The following ATP11B variants were observed in gnomAD, a reference collection of about 807,000 sequenced individuals.
ATP11B encodes ATPase phospholipid transporting 11B (putative).
Under a neutral mutation model 157.8 loss-of-function variants are expected in ATP11B, and 81 were observed. The ratio of observed to expected loss-of-function variants is 0.51; its 90% CI spans 0.43 to 0.62. ATP11B has a LOEUF of 0.62. Among genes scored for constraint, ATP11B ranks in the 20% least tolerant of loss-of-function variants. The probability of loss-of-function intolerance (pLI) is 0.00; values close to 1 mark genes in which losing one functional copy is unlikely to be tolerated. For missense variants in ATP11B, 1,165 were observed against 1,402.2 expected, an observed-to-expected ratio of 0.83 and a Z score of 2.70; for synonymous variants, 451 against 469.4, an observed-to-expected ratio of 0.96 and a Z score of 0.51.
In ATP11B at chr3:182,872,384, A is replaced by G. The variant is rs780818177; in HGVS notation, c.1895A>G (p.Tyr632Cys). Residue 632 changes from tyrosine (Y) to cysteine (C), a missense_variant, in exon 18 of 30, where the codon TAT (tyrosine) becomes TGT (cysteine). By Grantham distance (194) the Tyr-to-Cys change is radical (BLOSUM62 -2). This residue lies in a region of ATP11B where 737 missense variants were observed against 930.5 expected (regional missense o/e 0.79). Transcript: ENST00000323116. ...GGGCTAAGAACTCTGTGTATAGCAT[A>G]TAGAAAATTTACATCAAAAGAGTAT... ...LKGLRTLCIA[Y>C]RKFTSKEYEE... 1.2e-5 allele frequency: 19 copies of G among 1,612,672 alleles called. No individual in the cohort carries two copies. The highest frequency in any genetic ancestry group is 3.3e-4 in the Middle Eastern group (2 of 6,072).
chr3:182,914,301 G>A, intron 29 of ATP11B: 1 of 1,037,368 alleles, frequency 9.6e-7, no homozygotes, highest in Non-Finnish European at 1.2e-6. Context: ...TTTATGGTTT[G>A]TATAACTTTC....
chr3:182,819,944 T>G (rs182061200), intron 1 of ATP11B, among the ~76,000 whole-genome samples: 1 of 152,264 alleles, frequency 6.6e-6, no homozygotes, highest in Admixed American at 6.5e-5. Flanking sequence ...TATAGTAGTA[T>G]TTCTGACAGA....
At chr3:182,891,847 G>T (rs1342641315) in intron 25 of ATP11B, among the ~76,000 whole-genome samples, 2 of 152,060 alleles carry the variant, frequency 1.3e-5, no homozygotes, top group Non-Finnish European at 2.9e-5. Flanking sequence ...GAGTGATTTG[G>T]GATGAGTTAA....
chr3:182,818,462 T>C (rs551371922), intron 1 of ATP11B, among the ~76,000 whole-genome samples: 20 of 152,216 alleles, frequency 1.3e-4, no homozygotes, highest in Non-Finnish European at 2.8e-4. Context: ...ATCTACAAAG[T>C]GTGTTCATCA....
intron 9 of ATP11B, among the ~76,000 whole-genome samples, chr3:182,846,298 GAA>G (rs78436523): frequency 7.3e-6 from 1 of 137,340 alleles, no homozygotes; most frequent in African/African-American, 2.7e-5. Flanking sequence ...CATATGTCGA[GAA>G]AAAAAAAAAA....
intron 24 of ATP11B, among the ~76,000 whole-genome samples, chr3:182,888,406 A>T (rs1025574044): frequency 2.6e-5 from 4 of 152,222 alleles, no homozygotes; most frequent in Admixed American, 2.6e-4. Flanking sequence ...CCTAACTCAG[A>T]TAACCTCACT....
chr3:182,817,916 C>T (rs919228964), intron 1 of ATP11B, among the ~76,000 whole-genome samples: 3 of 152,088 alleles, frequency 2.0e-5, no homozygotes, highest in African/African-American at 2.4e-5. Flanking sequence ...TAAAGATTTA[C>T]GTACTGTTTG....
intron 4 of ATP11B, 109 bp downstream of exon 4, chr3:182,829,861 G>A: frequency 7.1e-7 from 1 of 1,412,312 alleles, no homozygotes; most frequent in Non-Finnish European, 9.4e-7. Flanking sequence ...CCATAAGAAA[G>A]CAGCAAATTT....
In ATP11B at chr3:182,898,639, T is replaced by G; in HGVS notation, c.3185T>G (p.Val1062Gly). Residue 1062 changes from valine to glycine, a missense_variant, in exon 28 of 30, where the codon GTG (valine) becomes GGG (glycine). Physicochemically the swap from Val to Gly is moderately radical, Grantham distance 109. Transcript: ENST00000323116. ...TTGGGCTCCCAGAATATGTATTTTG[T>G]GTTTATTCAGCTCCTGTCAAGTGGT... ...PFLGSQNMYF[V>G]FIQLLSSGSA... 6.2e-7 allele frequency: 1 copy of G among 1,607,070 alleles called. No homozygotes were observed. The highest frequency in any genetic ancestry group is 8.5e-7 in the Non-Finnish European group (1 of 1,176,860).
chr3:182,896,571 T>G (rs928205812), intron 25 of ATP11B, 129 bp from the exon 26 acceptor site: 3 of 718,904 alleles, frequency 4.2e-6, no homozygotes, highest in African/African-American at 3.5e-5. Context: ...TTTATGAGTA[T>G]AGTCACCAGT....
At chr3:182,916,014 A>C in intron 29 of ATP11B, 1 of 984,664 alleles carries the variant, frequency 1.0e-6, no homozygotes, top group Non-Finnish European at 1.2e-6. Context: ...ATAATCTAGA[A>C]GGTCTTTTCA....
At chr3:182,881,036 T>A in intron 21 of ATP11B, 55 bp downstream of exon 21, 1 of 1,322,116 alleles carries the variant, frequency 7.6e-7, no homozygotes, top group Non-Finnish European at 1.0e-6. Flanking sequence ...GGTGGTATTA[T>A]TTGGTGGTTT....
intron 1 of ATP11B, among the ~76,000 whole-genome samples, chr3:182,799,664 T>C (rs540311662): frequency 6.6e-6 from 1 of 152,350 alleles, no homozygotes; most frequent in South Asian, 2.1e-4. Flanking sequence ...TTTTAATTTT[T>C]TTATTCTCAA....
At chr3:182,856,524 T>C (rs1035455345) in intron 10 of ATP11B, among the ~76,000 whole-genome samples, 4 of 152,130 alleles carry the variant, frequency 2.6e-5, no homozygotes, top group African/African-American at 9.7e-5. Flanking sequence ...CTCAGACAGA[T>C]GTAGATTTGA....
intron 23 of ATP11B, among the ~76,000 whole-genome samples, chr3:182,887,077 A>C (rs781738202): frequency 1.2e-4 from 19 of 152,216 alleles, no homozygotes; most frequent in Non-Finnish European, 2.6e-4. Context: ...TAGTACCAAC[A>C]GTGGTACCTG....
intron 21 of ATP11B, among the ~76,000 whole-genome samples, chr3:182,883,627 C>G (rs1054862204): frequency 6.6e-6 from 1 of 151,638 alleles, no homozygotes; most frequent in Non-Finnish European, 1.5e-5. Context: ...CTTACACACA[C>G]AGACATGAAA....
At chr3:182,828,534 A>G (rs1288708857) in intron 3 of ATP11B, among the ~76,000 whole-genome samples, 6 of 152,012 alleles carry the variant, frequency 3.9e-5, no homozygotes, top group Non-Finnish European at 8.8e-5. Flanking sequence ...CTTTTAATAT[A>G]TAGTTCATAT....
chr3:182,920,608 C>T lies in ATP11B; in HGVS notation c.*2504C>T, dbSNP rs1456636847. On this transcript the variant is annotated 3_prime_UTR_variant, in exon 30 of 30. Transcript: ENST00000323116. ...TTATTGCTAATCAGTGGTCTCAAAT[C>T]GATTTGCCTCCCTTTGCCTCGTCTG... The T allele has an allele frequency of 1.3e-5, 2 of 152,206 alleles. No homozygotes were observed. 9.4% of individuals were successfully genotyped at this position (152,206 alleles called of 1,614,324 possible).
Position 182,920,917 on chromosome 3 carries a change from T to C in ATP11B, c.*2813T>C, listed in dbSNP as rs1354098281. ...CCTGAGCCACACCCAGGCCCTATCCTGAACAGGAGACTAAACAGAGGCAAA... is the reference window on the plus strand; with the variant it reads ...CCTGAGCCACACCCAGGCCCTATCCCGAACAGGAGACTAAACAGAGGCAAA... On this transcript the variant is annotated 3_prime_UTR_variant, in exon 30 of 30. Coordinates refer to ENST00000323116, the MANE Select transcript of ATP11B (RefSeq NM_014616.3). The C allele has an allele frequency of 6.6e-6, 1 of 152,250 alleles. No individual in the cohort carries two copies. The highest frequency in any genetic ancestry group is 1.5e-5 in the Non-Finnish European group (1 of 68,062). The allele number at this position is 152,250 out of a possible 1,614,324, so 9.4% of individuals were successfully genotyped here. A position where few individuals can be genotyped will look rare whatever the true frequency, so the allele number is the denominator to read the frequency against.
Sources: gnomAD v4.1 joint callset for allele counts (sites outside exome capture counted in the v4.1 genomes callset) on GRCh38, gnomAD v4.1.1 for gene constraint, gnomAD v4.1.1 regional missense constraint, MANE v1.5 for transcripts, NCBI Gene and HGNC (gene_info 2026-07-23, HGNC 2026-07-21) for gene names.